Variants in ARHGAP22 observed in about 807,000 individuals in gnomAD.
The protein encoded by ARHGAP22 is Rho GTPase activating protein 22.
Under a neutral mutation model 59.1 loss-of-function variants are expected in ARHGAP22, and 48 were observed. That is an observed-to-expected ratio of 0.81 (90% CI 0.64 to 1.03). ARHGAP22 has a LOEUF of 1.03. ARHGAP22 is among the 50% of genes least tolerant of loss of function. The probability of loss-of-function intolerance (pLI) is 0.00; values close to 1 mark genes in which losing one functional copy is unlikely to be tolerated. For synonymous variants in ARHGAP22, 445 were observed against 416.4 expected (o/e 1.07, Z -0.84); for missense variants, 1,015 against 958.7 (o/e 1.06, Z -0.78).
intron 8 of ARHGAP22, among the ~76,000 whole-genome samples, chr10:48,452,679 C>T (rs564217509): frequency 6.6e-6 from 1 of 152,352 alleles, no homozygotes; most frequent in Non-Finnish European, 1.5e-5. Context: ...CAGCCTACAC[C>T]TGTGCCCTTT....
intron 3 of ARHGAP22, among the ~76,000 whole-genome samples, chr10:48,507,043 C>A (rs867727822): frequency 6.6e-6 from 1 of 152,182 alleles, no homozygotes; most frequent in East Asian, 1.9e-4. Context: ...TAGGGTTCAG[C>A]ACTAATTTTG....
At chr10:48,635,554 C>A (rs184215112) in intron 1 of ARHGAP22, among the ~76,000 whole-genome samples, 1 of 152,346 alleles carries the variant, frequency 6.6e-6, no homozygotes, top group Non-Finnish European at 1.5e-5. Context: ...GTGTCCACAC[C>A]CCTGGGGTTG....
intron 1 of ARHGAP22, among the ~76,000 whole-genome samples, chr10:48,601,675 C>T (rs1483857430): frequency 6.6e-6 from 1 of 152,166 alleles, no homozygotes; most frequent in Non-Finnish European, 1.5e-5. Context: ...ATTATTAGCA[C>T]CGTTTAATTG....
chr10:48,524,795 A>G (rs78048574), intron 3 of ARHGAP22, among the ~76,000 whole-genome samples: 4,364 of 152,218 alleles, frequency 0.029, 217 homozygotes, highest in African/African-American at 0.097. Context: ...CCCCTCTGAG[A>G]CTGTTTCCTC....
intron 3 of ARHGAP22, among the ~76,000 whole-genome samples, chr10:48,544,999 G>A (rs907466936): frequency 1.7e-4 from 26 of 152,046 alleles, no homozygotes; most frequent in African/African-American, 5.6e-4. Context: ...AGACTTGGAA[G>A]CAAAAAAGAA....
chr10:48,529,323 T>G (rs547593174), intron 3 of ARHGAP22, among the ~76,000 whole-genome samples: 1 of 152,278 alleles, frequency 6.6e-6, no homozygotes, highest in South Asian at 2.1e-4. Flanking sequence ...AACCACACCT[T>G]CCAGTTCTTG....
chr10:48,605,123 G>A, upstream of ARHGAP22: 1 of 1,230,134 alleles, frequency 8.1e-7, no homozygotes, highest in Non-Finnish European at 1.0e-6. Flanking sequence ...ACGCGTGGCT[G>A]TCCAAGCTGA....
At chr10:48,592,267 G>A (rs1443112315) in intron 1 of ARHGAP22, among the ~76,000 whole-genome samples, 1 of 152,060 alleles carries the variant, frequency 6.6e-6, no homozygotes, top group Non-Finnish European at 1.5e-5. Flanking sequence ...GCAATCCTCA[G>A]CTTCCCAAGT....
chr10:48,441,437 G>C (rs1009835331), downstream of ARHGAP22, among the ~76,000 whole-genome samples: 1 of 150,512 alleles, frequency 6.6e-6, no homozygotes. Flanking sequence ...AGTTCAAAGG[G>C]AGAAACCAAA....
chr10:48,559,525 TG>T lies in ARHGAP22; in HGVS notation c.235-3976del, dbSNP rs2057547769. Among the ~76,000 whole-genome samples, 3 of 152,332 alleles carry T rather than the reference TG, an allele frequency of 2.0e-5. No homozygotes were observed. The South Asian group carries it at 6.2e-4, about 32-fold the overall frequency. Reference sequence around the variant, plus strand: ...TTGCAAGTTTTAGACATTGCAAAATTGCTTTCAAAAAGTCTTTATCAAATTA... The same window carrying T: ...TTGCAAGTTTTAGACATTGCAAAATTCTTTCAAAAAGTCTTTATCAAATTA... On this transcript the variant is annotated intron_variant, in intron 2 of 9. Coordinates refer to ENST00000249601, the MANE Select transcript of ARHGAP22 (RefSeq NM_021226.4).
chr10:48,643,331 T>C (rs897941889), intron 1 of ARHGAP22, among the ~76,000 whole-genome samples: 1 of 152,024 alleles, frequency 6.6e-6, no homozygotes, highest in African/African-American at 2.4e-5. Flanking sequence ...CTATTCACAA[T>C]AGCAAAGACT....
chr10:48,453,917 G>T (rs1217586658), intron 7 of ARHGAP22, among the ~76,000 whole-genome samples, 171 bp downstream of exon 7: 1 of 152,176 alleles, frequency 6.6e-6, no homozygotes, highest in Non-Finnish European at 1.5e-5. Flanking sequence ...CGTGAACTCA[G>T]GGTCTGTGCT....
chr10:48,472,519 GT>G (rs1242591152), intron 4 of ARHGAP22, among the ~76,000 whole-genome samples: 3 of 145,596 alleles, frequency 2.1e-5, no homozygotes, highest in Non-Finnish European at 4.5e-5. Flanking sequence ...GCGAGACTCT[GT>G]CTCAAAAATA....
intron 4 of ARHGAP22, among the ~76,000 whole-genome samples, chr10:48,471,463 C>T (rs1564716432): frequency 6.6e-6 from 1 of 152,244 alleles, no homozygotes; most frequent in African/African-American, 2.4e-5. Context: ...TCCCAGCCCC[C>T]AGACTTCTGA....
chr10:48,456,578 G>A (rs753342), intron 5 of ARHGAP22, among the ~76,000 whole-genome samples: 25,359 of 152,172 alleles, frequency 0.17, 2,583 homozygotes, highest in South Asian at 0.28. Flanking sequence ...TGGAGCGCAA[G>A]AGACTGGGGG....
intron 1 of ARHGAP22, among the ~76,000 whole-genome samples, chr10:48,593,542 G>C (rs1375634469): frequency 6.6e-6 from 1 of 152,230 alleles, no homozygotes; most frequent in Non-Finnish European, 1.5e-5. Context: ...GTTACTGGAA[G>C]ACAAACACTG....
intron 4 of ARHGAP22, among the ~76,000 whole-genome samples, chr10:48,461,023 C>T (rs2047085996): frequency 6.6e-6 from 1 of 152,152 alleles, no homozygotes; most frequent in Non-Finnish European, 1.5e-5. Flanking sequence ...AGAGTCTCAG[C>T]TTTGCAAGAT....
intron 2 of ARHGAP22, among the ~76,000 whole-genome samples, chr10:48,577,801 G>T (rs374123200): frequency 1.4e-3 from 81 of 59,126 alleles, no homozygotes; most frequent in Middle Eastern, 0.022. Context: ...CTCTTTTTTG[G>T]TTTTTTTTTT....
At chr10:48,541,324 A>T (rs756794302) in intron 3 of ARHGAP22, among the ~76,000 whole-genome samples, 2 of 152,150 alleles carry the variant, frequency 1.3e-5, no homozygotes, top group Non-Finnish European at 2.9e-5. Context: ...ATCACTCATA[A>T]AGAATTTTAT....
Sources: gnomAD v4.1 joint callset for allele counts (sites outside exome capture counted in the v4.1 genomes callset) on GRCh38, gnomAD v4.1.1 for gene constraint, MANE v1.5 for transcripts, NCBI Gene and HGNC (gene_info 2026-07-23, HGNC 2026-07-21) for gene names.